ADRA1B: variants seen among roughly 807,000 people sequenced by gnomAD.
ADRA1B encodes the protein adrenoceptor alpha 1B, also known as alpha-1B adrenergic receptor.
In ADRA1B, 17 loss-of-function variants were observed where a neutral mutation model predicts 17.9. The ratio of observed to expected loss-of-function variants is 0.95; its 90% CI spans 0.65 to 1.42. The LOEUF (loss-of-function observed/expected upper bound fraction) is 1.42. Ranked by LOEUF, ADRA1B falls within the 40% of genes most tolerant of loss-of-function variation. The pLI is 0.00. For synonymous variants in ADRA1B, 366 were observed against 327.6 expected, an observed-to-expected ratio of 1.12 and a Z score of -1.27; for missense variants, 681 against 722.1, an observed-to-expected ratio of 0.94 and a Z score of 0.65.
intron 1 of ADRA1B, chr5:159,950,712 C>T (rs1022610435): frequency 2.9e-6 from 2 of 684,960 alleles, no homozygotes; most frequent in Non-Finnish European, 2.7e-6. Context: ...CCAATGCTCA[C>T]TTCACCACCT....
chr5:159,936,415 G>A (rs900541373), intron 1 of ADRA1B, among the ~76,000 whole-genome samples: 1 of 152,122 alleles, frequency 6.6e-6, no homozygotes, highest in Non-Finnish European at 1.5e-5. Flanking sequence ...TTATCTCACT[G>A]GTATCCAGTG....
intron 1 of ADRA1B, among the ~76,000 whole-genome samples, chr5:159,953,989 GC>G (rs1755500784): frequency 6.6e-6 from 1 of 152,096 alleles, no homozygotes; most frequent in South Asian, 2.1e-4. Flanking sequence ...CACCAAAGCT[GC>G]CAGGAGACAG....
chr5:159,935,836 C>T (rs961062856), intron 1 of ADRA1B, among the ~76,000 whole-genome samples: 2 of 152,182 alleles, frequency 1.3e-5, no homozygotes, highest in East Asian at 1.9e-4. Flanking sequence ...CGTGAGCCAC[C>T]GCACCTAGCC....
chr5:159,930,291 G>A (rs78253043), intron 1 of ADRA1B, among the ~76,000 whole-genome samples: 4,043 of 152,316 alleles, frequency 0.027, 77 homozygotes, highest in Non-Finnish European at 0.036. Context: ...CTGATTATGC[G>A]TAATAAGAAA....
rs551146431 is a variant in ADRA1B at position 159,882,053 on chromosome 5, A to C, written c.-256+16847A>C. ...CAGAAGGTCCCATCTGCAAGCGCTG[A>C]ACACAAAAACTGCTCATTTTCTTCC... is the stretch of plus-strand genomic sequence containing the variant. On this transcript the variant is annotated intron_variant, in intron 1 of 2. Transcript: ENST00000641205. Among the ~76,000 whole-genome samples, 4 of 152,318 alleles carry C rather than the reference A, an allele frequency of 2.6e-5. No homozygotes were observed. In the South Asian group the frequency reaches 8.3e-4, roughly 32 times the overall value.
At position 159,916,881 on chromosome 5, in the gene ADRA1B, C is replaced by T; in HGVS notation, c.-25C>T. 6.3e-7 allele frequency: 1 copy of T among 1,578,844 alleles called. No homozygotes were observed. Among genetic ancestry groups the T allele is most frequent in the Non-Finnish European group, 8.6e-7 (1 of 1,160,368 alleles). On this transcript the variant is annotated 5_prime_UTR_variant, in exon 1 of 2. Coordinates refer to ENST00000306675, the MANE Select transcript of ADRA1B (RefSeq NM_000679.4). Reference sequence around the variant, plus strand: ...AGCCCTTCCGAGCCCAATCATCCCCCTGGCTATGGAGGGCGGACTCTAAGA... The same window carrying T: ...AGCCCTTCCGAGCCCAATCATCCCCTTGGCTATGGAGGGCGGACTCTAAGA...
intron 1 of ADRA1B, among the ~76,000 whole-genome samples, chr5:159,958,354 A>T (rs1755604370): frequency 6.6e-6 from 1 of 152,182 alleles, no homozygotes; most frequent in South Asian, 2.1e-4. Flanking sequence ...TTGAAATGGC[A>T]TGTAAAATTC....
At chr5:159,909,104 C>A (rs917893361) in intron 1 of ADRA1B, among the ~76,000 whole-genome samples, 2 of 152,216 alleles carry the variant, frequency 1.3e-5, no homozygotes, top group African/African-American at 2.4e-5. Flanking sequence ...CAGAGACACA[C>A]TGGGCATTTC....
chr5:159,935,351 G>A (rs114440989), intron 1 of ADRA1B, among the ~76,000 whole-genome samples: 2,184 of 152,188 alleles, frequency 0.014, 52 homozygotes, highest in African/African-American at 0.051. Context: ...ATTCCAAAAA[G>A]TACAAAAGTA....
At chr5:159,911,885 G>A (rs983175571), upstream of ADRA1B, among the ~76,000 whole-genome samples, 1 of 152,030 alleles carries the variant, frequency 6.6e-6, no homozygotes, top group Non-Finnish European at 1.5e-5. Flanking sequence ...TTCCTTTTTT[G>A]TGTTTAGCCT....
chr5:159,933,525 C>T (rs1212040796), intron 1 of ADRA1B, among the ~76,000 whole-genome samples: 1 of 152,214 alleles, frequency 6.6e-6, no homozygotes, highest in African/African-American at 2.4e-5. Context: ...ACGTTGACTT[C>T]CTCCTGAGGT....
intron 1 of ADRA1B, among the ~76,000 whole-genome samples, chr5:159,872,091 G>A (rs543053975): frequency 7.9e-5 from 12 of 152,212 alleles, no homozygotes; most frequent in African/African-American, 2.4e-4. Context: ...CATGAGTGAC[G>A]ATTAATCAAC....
chr5:159,876,670 A>G (rs1332376826), intron 1 of ADRA1B, among the ~76,000 whole-genome samples: 5 of 152,204 alleles, frequency 3.3e-5, no homozygotes, highest in Admixed American at 3.3e-4. Flanking sequence ...GACACATACC[A>G]TTTGTGAAAG....
the ADRA1B span, among the ~76,000 whole-genome samples, chr5:159,978,631 G>A: frequency 2.0e-5 from 3 of 152,122 alleles, no homozygotes; most frequent in African/African-American, 7.2e-5. Flanking sequence ...TCCCCTCCTC[G>A]TTGCACAGTC....
At chr5:159,927,481 A>G (rs1754692931) in intron 1 of ADRA1B, among the ~76,000 whole-genome samples, 1 of 151,828 alleles carries the variant, frequency 6.6e-6, no homozygotes, top group African/African-American at 2.4e-5. Context: ...CCATGGAGGT[A>G]ACTTTGATTT....
intron 1 of ADRA1B, among the ~76,000 whole-genome samples, chr5:159,879,338 T>C (rs1371344140): frequency 6.6e-6 from 1 of 152,146 alleles, no homozygotes; most frequent in African/African-American, 2.4e-5. Flanking sequence ...GACACAGCGC[T>C]TCTGCTGGCT....
chr5:159,877,041 C>G (rs1351580466), intron 1 of ADRA1B, among the ~76,000 whole-genome samples: 2 of 152,170 alleles, frequency 1.3e-5, no homozygotes, highest in Non-Finnish European at 2.9e-5. Context: ...TCGTGGGACT[C>G]AGGCCTGCAG....
rs1354248125 is a variant in ADRA1B at position 159,972,138 on chromosome 5, C to T, written c.1209C>T (p.Arg403=). 1 of 1,348,572 alleles carries T rather than the reference C, an allele frequency of 7.4e-7. No homozygotes were observed. Among genetic ancestry groups the T allele is most frequent in the Admixed American group, 2.9e-5 (1 of 34,268 alleles). 83.5% of individuals were successfully genotyped at this position (1,348,572 alleles called of 1,614,324 possible). A position where few individuals can be genotyped will look rare whatever the true frequency, so the allele number is the denominator to read the frequency against. The stretch of plus-strand genomic sequence containing the variant: ...GCTCGCTGGAGCGCTCGCAGTCGCG[C>T]AAGGACTCGCTGGACGACAGCGGCA... ...RGGSLERSQS[R]KDSLDDSGSC... The change falls in exon 2 of 2, where the codon CGC becomes CGT. Residue 403 remains arginine, a synonymous_variant. Transcript: ENST00000306675.
intron 1 of ADRA1B, among the ~76,000 whole-genome samples, chr5:159,966,023 C>T (rs1317740122): frequency 6.6e-6 from 1 of 152,022 alleles, no homozygotes; most frequent in Admixed American, 6.6e-5. Context: ...AATCCGCCCT[C>T]CTTGGCCTCC....
Sources: allele counts gnomAD v4.1 joint callset (sites outside exome capture counted in the v4.1 genomes callset), GRCh38; gene constraint gnomAD v4.1.1; transcripts MANE v1.5; gene names NCBI Gene and HGNC (gene_info 2026-07-23, HGNC 2026-07-21).